The following COX7B2 variants were observed in gnomAD, a reference collection of about 807,000 sequenced individuals.
COX7B2 encodes the protein cytochrome c oxidase subunit 7B2, mitochondrial.
For missense variants in COX7B2, 109 were observed against 95.9 expected (o/e 1.14, Z -0.57); for synonymous variants, 37 against 32.1 (o/e 1.15, Z -0.51).
rs111699375 is a variant in COX7B2 at position 46,735,146 on chromosome 4, T to C, written c.47A>G (p.Gln16Arg). The stretch of plus-strand genomic sequence containing the variant: ...TCTTGCCATGCTTTGCAGAATGCTT[T>C]GAATCTTGAGACTGCTTAGTGCATT... ...ARNALSSLKI[Q>R]SILQSMARHS... The change falls in exon 3 of 3, where the codon CAA (glutamine) becomes CGA (arginine). Residue 16 changes from glutamine to arginine, a missense_variant. Gln to Arg is a conservative substitution (Grantham distance 43, BLOSUM62 1). Coordinates refer to ENST00000355591, the MANE Select transcript of COX7B2 (RefSeq NM_130902.3). The C allele has an allele frequency of 1.9e-5, 31 of 1,613,458 alleles. No individual in the cohort carries two copies. The highest frequency in any genetic ancestry group is 1.7e-4 in the Middle Eastern group (1 of 6,054).
intron 1 of COX7B2, among the ~76,000 whole-genome samples, chr4:46,848,536 T>G (rs544207672): frequency 3.9e-5 from 6 of 152,148 alleles, no homozygotes; most frequent in African/African-American, 1.2e-4. Context: ...TAATCTATAT[T>G]TATCTATAGG....
At chr4:46,854,659 C>A (rs1230056677) in intron 1 of COX7B2, among the ~76,000 whole-genome samples, 1 of 152,020 alleles carries the variant, frequency 6.6e-6, no homozygotes, top group African/African-American at 2.4e-5. Context: ...GTATCAGGAA[C>A]AAAATCTGGC....
At chr4:46,792,184 T>G (rs944714616) in intron 2 of COX7B2, among the ~76,000 whole-genome samples, 6 of 152,210 alleles carry the variant, frequency 3.9e-5, no homozygotes, top group African/African-American at 1.4e-4. Flanking sequence ...ATCAAGCAAT[T>G]CTATACTGAC....
rs199545103 is a variant in COX7B2 at position 46,848,473 on chromosome 4, T to A, written c.-104-3459A>T. 2.8e-4 allele frequency among the ~76,000 whole-genome samples: 43 copies of A among 152,198 alleles called. No individual in the cohort carries two copies. The East Asian group carries it at 5.8e-3, about 21-fold the overall frequency. On this transcript the variant is annotated intron_variant, in intron 1 of 2. Coordinates refer to ENST00000355591, the MANE Select transcript of COX7B2 (RefSeq NM_130902.3). ...AATTTGGATGCAAACTTATGCTATT[T>A]TTACTGTTGTACAAAAACTGTTTTA...
At chr4:46,744,737 A>ATTTT (rs1199711862) in intron 2 of COX7B2, among the ~76,000 whole-genome samples, 1 of 135,168 alleles carries the variant, frequency 7.4e-6, no homozygotes, top group Admixed American at 8.4e-5. Context: ...AAGATATTTT[A>ATTTT]ATTTTTTTTT....
intron 1 of COX7B2, among the ~76,000 whole-genome samples, chr4:46,905,908 C>T (rs953872817): frequency 7.1e-6 from 1 of 139,948 alleles, no homozygotes; most frequent in Non-Finnish European, 1.5e-5. Context: ...CAGCTCACTG[C>T]AAGCTCCGCT....
At chr4:46,753,845 A>G (rs1247121172) in intron 2 of COX7B2, among the ~76,000 whole-genome samples, 1 of 152,302 alleles carries the variant, frequency 6.6e-6, no homozygotes, top group Middle Eastern at 3.4e-3. Flanking sequence ...AGAATCTACA[A>G]TGAACTCAAC....
chr4:46,829,571 T>C (rs778398528), intron 2 of COX7B2, among the ~76,000 whole-genome samples: 11 of 152,202 alleles, frequency 7.2e-5, no homozygotes, highest in African/African-American at 1.9e-4. Context: ...ATTAAAGCAA[T>C]GTGTCATAAA....
chr4:46,891,958 A>G (rs1180093924), intron 1 of COX7B2, among the ~76,000 whole-genome samples: 1 of 152,098 alleles, frequency 6.6e-6, no homozygotes, highest in Non-Finnish European at 1.5e-5. Context: ...TTATTTCCTT[A>G]CCTTTTCACT....
intron 2 of COX7B2, among the ~76,000 whole-genome samples, chr4:46,797,823 A>G (rs971271183): frequency 6.6e-6 from 1 of 152,196 alleles, no homozygotes; most frequent in African/African-American, 2.4e-5. Flanking sequence ...GCTTGGGCAA[A>G]TAACACATCC....
At chr4:46,830,705 T>G (rs1715023768) in intron 2 of COX7B2, among the ~76,000 whole-genome samples, 1 of 152,234 alleles carries the variant, frequency 6.6e-6, no homozygotes, top group Non-Finnish European at 1.5e-5. Context: ...GCTTATTTCT[T>G]GCTCATATAA....
intron 1 of COX7B2, among the ~76,000 whole-genome samples, chr4:46,855,603 T>C (rs1459745602): frequency 1.3e-5 from 2 of 152,094 alleles, no homozygotes; most frequent in African/African-American, 2.4e-5. Flanking sequence ...TATATTGTGA[T>C]ACTCTGATTT....
intron 1 of COX7B2, among the ~76,000 whole-genome samples, chr4:46,861,121 G>A (rs1717310601): frequency 6.6e-6 from 1 of 152,128 alleles, no homozygotes; most frequent in Admixed American, 6.5e-5. Flanking sequence ...CTACGAGTGT[G>A]GTGGGTTAGA....
At chr4:46,892,551 C>T (rs1434071780) in intron 1 of COX7B2, among the ~76,000 whole-genome samples, 3 of 152,128 alleles carry the variant, frequency 2.0e-5, no homozygotes, top group East Asian at 1.9e-4. Flanking sequence ...CCTTGGGGTA[C>T]TTGACAAGGT....
chr4:46,880,321 G>GT lies in COX7B2; in HGVS notation c.-105+28838dup, dbSNP rs1271927547. On this transcript the variant is annotated intron_variant, in intron 1 of 2. Transcript: ENST00000355591. ...GCTGAGGAAGAGTCCCTCCTTCTCA[G>GT]TTTTTTGGAATAGTTTTTGTAGGAA... 7.4e-5 allele frequency among the ~76,000 whole-genome samples: 11 copies of GT among 148,890 alleles called. No individual in the cohort carries two copies. In the East Asian group the frequency reaches 2.2e-3, roughly 30 times the overall value.
chr4:46,797,161 C>T (rs182710051), intron 2 of COX7B2, among the ~76,000 whole-genome samples: 3 of 131,578 alleles, frequency 2.3e-5, no homozygotes, highest in Admixed American at 8.0e-5. Context: ...GATTCTGGTA[C>T]ACTACCAAAA....
chr4:46,752,779 G>A lies in COX7B2; in HGVS notation c.-49-17538C>T, dbSNP rs188701310. Among the ~76,000 whole-genome samples, 404 of 152,192 alleles carry A rather than the reference G, an allele frequency of 2.7e-3. 1 individual carries two copies. Among genetic ancestry groups the A allele is most frequent in the African/African-American group, 9.4e-3 (390 of 41,522 alleles). On this transcript the variant is annotated intron_variant, in intron 2 of 2. Coordinates refer to ENST00000355591, the MANE Select transcript of COX7B2 (RefSeq NM_130902.3). ...TCCCATGGATGAAGCCCACTTGATCGTGGTCAATAAGCTTTTTGATGTGCT... is the reference window on the plus strand; with the variant it reads ...TCCCATGGATGAAGCCCACTTGATCATGGTCAATAAGCTTTTTGATGTGCT...
intron 2 of COX7B2, among the ~76,000 whole-genome samples, chr4:46,823,494 A>C (rs924034812): frequency 1.3e-5 from 2 of 151,482 alleles, no homozygotes; most frequent in African/African-American, 2.4e-5. Flanking sequence ...TTTGGAAATT[A>C]AACAACACAC....
intron 1 of COX7B2, among the ~76,000 whole-genome samples, chr4:46,866,061 C>T (rs1244579243): frequency 1.3e-5 from 2 of 152,170 alleles, no homozygotes; most frequent in Non-Finnish European, 2.9e-5. Context: ...GTGGAAGTTT[C>T]CCCACAATGC....
Sources: gnomAD v4.1 joint callset for allele counts (sites outside exome capture counted in the v4.1 genomes callset) on GRCh38, gnomAD v4.1.1 for gene constraint, MANE v1.5 for transcripts, NCBI Gene and HGNC (gene_info 2026-07-23, HGNC 2026-07-21) for gene names.